GLIS3: variants seen among roughly 807,000 people sequenced by gnomAD.
GLIS3 encodes zinc finger protein GLIS3.
A neutral mutation model predicts 78.6 loss-of-function variants in GLIS3; 53 were observed. The observed-to-expected ratio is 0.67, with a 90% confidence interval of 0.54 to 0.85. The LOEUF (loss-of-function observed/expected upper bound fraction) is 0.85. GLIS3 is among the 40% of genes least tolerant of loss of function. The pLI is 0.00. For synonymous variants in GLIS3, 684 were observed against 509.9 expected, an observed-to-expected ratio of 1.34 and a Z score of -4.60; for missense variants, 1,703 against 1,231.1, an observed-to-expected ratio of 1.38 and a Z score of -5.74.
intron 4 of GLIS3, among the ~76,000 whole-genome samples, chr9:3,960,181 G>T (rs619211): frequency 0.39 from 59,392 of 151,932 alleles, 14,095 homozygotes; most frequent in African/African-American, 0.66. Context: ...CACACAGAGG[G>T]AAGATGACGT....
intron 4 of GLIS3, among the ~76,000 whole-genome samples, chr9:3,950,520 A>C (rs1391519723): frequency 1.3e-5 from 2 of 151,852 alleles, no homozygotes; most frequent in Non-Finnish European, 2.9e-5. Flanking sequence ...GCCCCTTCCC[A>C]CCTCAGGGCA....
chr9:3,925,829 T>C (rs1041372921), intron 6 of GLIS3, among the ~76,000 whole-genome samples: 1 of 152,256 alleles, frequency 6.6e-6, no homozygotes, highest in Non-Finnish European at 1.5e-5. Flanking sequence ...AGTTTGATGA[T>C]GTTTTTGTGA....
At chr9:4,029,959 G>T (rs113623291) in intron 4 of GLIS3, among the ~76,000 whole-genome samples, 272 of 152,286 alleles carry the variant, frequency 1.8e-3, no homozygotes, top group African/African-American at 6.3e-3. Context: ...GGTATATCCA[G>T]CAGTGGGATT....
intron 9 of GLIS3, among the ~76,000 whole-genome samples, chr9:3,834,966 G>A (rs868194903): frequency 1.3e-5 from 2 of 152,162 alleles, no homozygotes; most frequent in South Asian, 2.1e-4. Flanking sequence ...CCAGGGTGGC[G>A]ATGTGCCCTT....
intron 6 of GLIS3, among the ~76,000 whole-genome samples, chr9:3,904,517 T>A (rs996023955): frequency 2.6e-5 from 4 of 152,130 alleles, no homozygotes; most frequent in Non-Finnish European, 5.9e-5. Context: ...GTGAGTCTCT[T>A]TTTCTGGAGA....
At chr9:3,929,167 A>C (rs1825450454) in intron 6 of GLIS3, among the ~76,000 whole-genome samples, 1 of 151,908 alleles carries the variant, frequency 6.6e-6, no homozygotes, top group Non-Finnish European at 1.5e-5. Context: ...TTCGCTACCC[A>C]TTTTTCTGTG....
the GLIS3 span, among the ~76,000 whole-genome samples, chr9:4,453,448 A>G: frequency 2.8e-4 from 43 of 152,176 alleles, 1 homozygote; most frequent in Middle Eastern, 0.017. Flanking sequence ...GAGGGCTAAT[A>G]TCCAGAATCT....
rs117051101 is a variant in GLIS3 at position 4,257,151 on chromosome 9, T to C, written c.388+28887A>G. 1.9e-3 allele frequency among the ~76,000 whole-genome samples: 285 copies of C among 152,280 alleles called. 2 individuals carry two copies. Among genetic ancestry groups the C allele is most frequent in the Middle Eastern group, 6.8e-3 (2 of 294 alleles). ...TCTGTTGATGTGTACATATGGAGTATTATTAAGCCTTTAAAAGAAAGGGAT... is the reference window on the plus strand; with the variant it reads ...TCTGTTGATGTGTACATATGGAGTACTATTAAGCCTTTAAAAGAAAGGGAT... On this transcript the variant is annotated intron_variant, in intron 2 of 10. Coordinates refer to ENST00000381971, the MANE Select transcript of GLIS3 (RefSeq NM_001042413.2).
intron 4 of GLIS3, among the ~76,000 whole-genome samples, chr9:3,991,350 T>G (rs1291966583): frequency 6.7e-6 from 1 of 149,508 alleles, no homozygotes; most frequent in Non-Finnish European, 1.5e-5. Flanking sequence ...AAAAAAAGGG[T>G]TCACAGCAGA....
At chr9:4,435,021 G>A in the GLIS3 span, among the ~76,000 whole-genome samples, 1 of 152,216 alleles carries the variant, frequency 6.6e-6, no homozygotes, top group Non-Finnish European at 1.5e-5. Flanking sequence ...AGTTGTACAA[G>A]AATTTGGGTT....
intron 2 of GLIS3, among the ~76,000 whole-genome samples, chr9:4,206,900 G>T (rs572392279): frequency 2.0e-5 from 3 of 151,006 alleles, no homozygotes; most frequent in South Asian, 2.1e-4. Context: ...TGGGAGGAAG[G>T]GGGGAGGACG....
intron 4 of GLIS3, among the ~76,000 whole-genome samples, chr9:4,092,484 C>T (rs892528125): frequency 1.3e-5 from 2 of 152,180 alleles, no homozygotes; most frequent in African/African-American, 4.8e-5. Context: ...TGTACAGCTG[C>T]ACCACAATAT....
chr9:4,307,293 G>A (rs928610204), intron 4 of GLIS3, among the ~76,000 whole-genome samples: 1 of 152,076 alleles, frequency 6.6e-6, no homozygotes, highest in Non-Finnish European at 1.5e-5. Context: ...TGAGATATGT[G>A]ATAAACATAA....
intron 4 of GLIS3, among the ~76,000 whole-genome samples, chr9:3,992,525 G>T (rs765592416): frequency 6.6e-5 from 10 of 152,184 alleles, no homozygotes; most frequent in Admixed American, 1.3e-4. Flanking sequence ...GGAGGAGATG[G>T]TTGTTTATGA....
the GLIS3 span, among the ~76,000 whole-genome samples, chr9:4,427,842 G>C: frequency 6.6e-6 from 1 of 151,538 alleles, no homozygotes; most frequent in African/African-American, 2.4e-5. Context: ...CTAGGTGATG[G>C]AGCAAGACTC....
At chr9:4,058,056 G>A (rs1348061444) in intron 4 of GLIS3, among the ~76,000 whole-genome samples, 1 of 152,050 alleles carries the variant, frequency 6.6e-6, no homozygotes, top group African/African-American at 2.4e-5. Flanking sequence ...ACAAAGCTAA[G>A]GACAAAAGAC....
chr9:4,401,367 C>T, the GLIS3 span, among the ~76,000 whole-genome samples: 1 of 151,786 alleles, frequency 6.6e-6, no homozygotes, highest in Non-Finnish European at 1.5e-5. Context: ...TCAAGCGATT[C>T]TCCTGCCTCA....
At chr9:4,045,455 C>T (rs527477796) in intron 4 of GLIS3, among the ~76,000 whole-genome samples, 2 of 152,096 alleles carry the variant, frequency 1.3e-5, no homozygotes, top group South Asian at 4.2e-4. Context: ...CCTTCCTCAG[C>T]CTCCCGAGTA....
intron 2 of GLIS3, among the ~76,000 whole-genome samples, chr9:4,263,304 A>C (rs926045618): frequency 6.6e-6 from 1 of 152,112 alleles, no homozygotes; most frequent in African/African-American, 2.4e-5. Context: ...AAACGACTTC[A>C]CTCTACAGTA....
Sources: allele counts gnomAD v4.1 joint callset (sites outside exome capture counted in the v4.1 genomes callset), GRCh38; gene constraint gnomAD v4.1.1; transcripts MANE v1.5; gene names NCBI Gene and HGNC (gene_info 2026-07-23, HGNC 2026-07-21).